Variants in VTI1A observed in about 807,000 individuals in gnomAD.
The protein encoded by VTI1A is vesicle transport through interaction with t-SNAREs homolog 1A.
VTI1A carries 22 observed loss-of-function variants against 34.9 expected under a neutral mutation model. The observed-to-expected ratio is 0.63, with a 90% CI of 0.45 to 0.90. The LOEUF (loss-of-function observed/expected upper bound fraction) is 0.90, where lower values mean the gene tolerates loss of function less well. Among genes scored for constraint, VTI1A ranks in the 40% least tolerant of loss-of-function variants. VTI1A has a pLI of 0.00. For missense variants in VTI1A, 268 were observed against 275.6 expected (o/e 0.97, Z 0.20); for synonymous variants, 87 against 97.3 (o/e 0.89, Z 0.62).
intron 7 of VTI1A, among the ~76,000 whole-genome samples, chr10:112,750,440 T>G (rs900772710): frequency 6.6e-6 from 1 of 152,144 alleles, no homozygotes; most frequent in Admixed American, 6.6e-5. Context: ...GGTCTGGAGC[T>G]CCTGGACACA....
chr10:112,544,867 CG>C (rs1851016744), intron 5 of VTI1A, among the ~76,000 whole-genome samples: 1 of 152,014 alleles, frequency 6.6e-6, no homozygotes, highest in African/African-American at 2.4e-5. Flanking sequence ...CCAGGGAGCA[CG>C]GGGCATGATT....
chr10:112,749,364 G>T (rs531331248), intron 7 of VTI1A, among the ~76,000 whole-genome samples: 84 of 152,326 alleles, frequency 5.5e-4, no homozygotes, highest in African/African-American at 1.9e-3. Flanking sequence ...AATGAGGGTA[G>T]GGGGTGGAAA....
chr10:112,654,564 C>T (rs1590031233), intron 5 of VTI1A, among the ~76,000 whole-genome samples: 1 of 152,158 alleles, frequency 6.6e-6, no homozygotes, highest in African/African-American at 2.4e-5. Context: ...ACAGTCTCGA[C>T]TCACTGCAAG....
At chr10:112,538,223 T>C in intron 4 of VTI1A, 23 bp from the exon 5 acceptor site, 1 of 1,605,594 alleles carries the variant, frequency 6.2e-7, no homozygotes. Flanking sequence ...TCTGATTTTT[T>C]TTTCCCCCTT....
At chr10:112,855,355 G>T in the VTI1A span, among the ~76,000 whole-genome samples, 5 of 152,140 alleles carry the variant, frequency 3.3e-5, no homozygotes, top group Admixed American at 6.6e-5. Flanking sequence ...CCATTAAAGA[G>T]AAAATAGACT....
chr10:112,458,593 A>G (rs1178244774), intron 1 of VTI1A, among the ~76,000 whole-genome samples: 2 of 152,108 alleles, frequency 1.3e-5, no homozygotes, highest in East Asian at 3.8e-4. Flanking sequence ...GGTTAAGATT[A>G]GTAGAATCTA....
At chr10:112,499,359 CT>C (rs1181029917) in intron 3 of VTI1A, among the ~76,000 whole-genome samples, 3 of 152,160 alleles carry the variant, frequency 2.0e-5, no homozygotes, top group African/African-American at 7.2e-5. Context: ...GGTCTCTGTT[CT>C]GAATCTCCAT....
Position 112,487,718 on chromosome 10 carries a change from C to T in VTI1A, c.264+23061C>T, listed in dbSNP as rs114290868. Among the ~76,000 whole-genome samples, 1,062 of 152,260 alleles carry T rather than the reference C, an allele frequency of 7.0e-3. 14 individuals are homozygous for T. Among genetic ancestry groups the T allele is most frequent in the African/African-American group, 0.025 (1,022 of 41,550 alleles). ...TCTGTATATAACTCAAAAATCATTA[C>T]TCCAACTTAGTCTTTCTGGCTGATG... is the stretch of plus-strand genomic sequence containing the variant. On this transcript the variant is annotated intron_variant, in intron 3 of 7. Coordinates refer to ENST00000393077, the MANE Select transcript of VTI1A (RefSeq NM_145206.4).
intron 5 of VTI1A, chr10:112,538,623 C>T (rs1433932748): frequency 7.2e-6 from 2 of 277,020 alleles, no homozygotes; most frequent in Non-Finnish European, 1.3e-5. Flanking sequence ...TCAGTTTACC[C>T]ACCCGCAATG....
At chr10:112,651,251 TAA>T in intron 5 of VTI1A, among the ~76,000 whole-genome samples, 1 of 152,336 alleles carries the variant, frequency 6.6e-6, no homozygotes, top group Non-Finnish European at 1.5e-5. Flanking sequence ...AAATAGTTTA[TAA>T]TATCTCAATG....
intron 3 of VTI1A, among the ~76,000 whole-genome samples, chr10:112,471,606 C>A (rs1164807652): frequency 2.0e-5 from 3 of 151,910 alleles, no homozygotes; most frequent in Admixed American, 2.0e-4. Flanking sequence ...TCTTCACAAT[C>A]CTTTGCAACC....
At chr10:112,793,470 T>A (rs1852560691) in intron 7 of VTI1A, among the ~76,000 whole-genome samples, 1 of 152,220 alleles carries the variant, frequency 6.6e-6, no homozygotes, top group Non-Finnish European at 1.5e-5. Context: ...GGTAATGTTT[T>A]ACTTGGCCCT....
intron 3 of VTI1A, among the ~76,000 whole-genome samples, chr10:112,513,545 T>C (rs1311643957): frequency 6.6e-6 from 1 of 152,074 alleles, no homozygotes. Flanking sequence ...TCTTGCCTAA[T>C]TGCTGTGGCT....
At chr10:112,790,808 G>A (rs113398820) in intron 7 of VTI1A, among the ~76,000 whole-genome samples, 1 of 140,938 alleles carries the variant, frequency 7.1e-6, no homozygotes, top group Non-Finnish European at 1.5e-5. Context: ...TACTTGTTTT[G>A]TGAATTTGCC....
At chr10:112,741,881 G>A (rs969632974) in intron 7 of VTI1A, among the ~76,000 whole-genome samples, 5 of 152,222 alleles carry the variant, frequency 3.3e-5, no homozygotes, top group African/African-American at 1.2e-4. Flanking sequence ...GCAGCAGTCA[G>A]TTGGCACCCA....
intron 7 of VTI1A, among the ~76,000 whole-genome samples, chr10:112,697,705 G>A (rs1361296935): frequency 1.3e-5 from 2 of 151,982 alleles, no homozygotes; most frequent in Non-Finnish European, 2.9e-5. Context: ...CTTGTTCTTG[G>A]TATTTTTAAA....
intron 5 of VTI1A, among the ~76,000 whole-genome samples, chr10:112,594,181 A>G (rs1844521582): frequency 6.6e-6 from 1 of 152,146 alleles, no homozygotes; most frequent in Non-Finnish European, 1.5e-5. Context: ...TGCTGGGATT[A>G]CAGGCGTGAG....
At chr10:112,524,589 T>A (rs1262742978) in intron 3 of VTI1A, among the ~76,000 whole-genome samples, 2 of 152,176 alleles carry the variant, frequency 1.3e-5, no homozygotes, top group African/African-American at 4.8e-5. Flanking sequence ...CACTCTTAAT[T>A]GCTGGTTTTT....
At chr10:112,795,471 G>C (rs1379464753) in intron 7 of VTI1A, among the ~76,000 whole-genome samples, 4 of 116,636 alleles carry the variant, frequency 3.4e-5, no homozygotes, top group African/African-American at 6.9e-5. Flanking sequence ...GTCTTGCTCT[G>C]TCACCCAGGC....
Sources: allele counts gnomAD v4.1 joint callset (sites outside exome capture counted in the v4.1 genomes callset), GRCh38; gene constraint gnomAD v4.1.1; transcripts MANE v1.5; gene names NCBI Gene and HGNC (gene_info 2026-07-23, HGNC 2026-07-21).